DMXL2: variants seen among roughly 807,000 people sequenced by gnomAD.
DMXL2 encodes the protein dmX-like protein 2.
Under a neutral mutation model 331.1 loss-of-function variants are expected in DMXL2, and 103 were observed. The observed-to-expected ratio is 0.31, with a 90% CI of 0.27 to 0.37. The LOEUF (loss-of-function observed/expected upper bound fraction) is 0.37. Among genes scored for constraint, DMXL2 ranks in the 10% least tolerant of loss-of-function variants. The probability of loss-of-function intolerance (pLI) is 1.00; values close to 1 mark genes in which losing one functional copy is unlikely to be tolerated. For synonymous variants in DMXL2, 1,281 were observed against 1,252.1 expected (o/e 1.02, Z -0.49); for missense variants, 3,171 against 3,642.9 (o/e 0.87, Z 3.33).
chr15:51,608,431 A>C (rs1372225704), intron 1 of DMXL2, among the ~76,000 whole-genome samples: 1 of 152,220 alleles, frequency 6.6e-6, no homozygotes, highest in East Asian at 1.9e-4. Context: ...AAAAAATGAG[A>C]TCATGTCCTT....
At chr15:51,600,136 G>A (rs1045066037) in intron 1 of DMXL2, among the ~76,000 whole-genome samples, 6 of 152,282 alleles carry the variant, frequency 3.9e-5, no homozygotes, top group East Asian at 1.9e-4. Flanking sequence ...CTTGGCATTC[G>A]TTTCAAGTAT....
At position 51,471,296 on chromosome 15, in the gene DMXL2, G is replaced by C; in HGVS notation, c.7319C>G (p.Pro2440Arg). Residue 2440 changes from proline (P) to arginine (R), a missense_variant, in exon 29 of 44, where the codon CCT (proline) becomes CGT (arginine). By Grantham distance (103) the Pro-to-Arg change is moderately radical (BLOSUM62 -2). Transcript: ENST00000560891. ...PVKDATPPPV[P>R]AERPSYKEKF... ...TTCTTTGTAAGATGGTCTTTCTGCA[G>C]GCACCGGTGGTGGGGTAGCATCTTT... The C allele has an allele frequency of 6.2e-7, 1 of 1,614,068 alleles. No homozygotes were observed. Among genetic ancestry groups the C allele is most frequent in the Non-Finnish European group, 8.5e-7 (1 of 1,179,972 alleles).
intron 13 of DMXL2, among the ~76,000 whole-genome samples, chr15:51,519,826 A>G (rs1208471687): frequency 6.6e-6 from 1 of 151,902 alleles, no homozygotes; most frequent in Non-Finnish European, 1.5e-5. Context: ...TATTTTTAGT[A>G]GAGACAGGGT....
At chr15:51,593,410 T>A (rs2052547297) in intron 1 of DMXL2, among the ~76,000 whole-genome samples, 1 of 152,198 alleles carries the variant, frequency 6.6e-6, no homozygotes, top group Non-Finnish European at 1.5e-5. Context: ...CCCAGATTCA[T>A]AAAGCAAGTC....
In DMXL2 at chr15:51,535,775, C is replaced by T; in HGVS notation, c.2324G>A (p.Cys775Tyr). ...AACAAAGCAAGCACTTGCAGAATTG[C>T]AGTATGTGCCTGAGAAAGGAAAACA... ...LIPSYCLGTY[C>Y]NSASACFVAS... The change falls in exon 13 of 44, where the codon TGC (cysteine) becomes TAC (tyrosine). Residue 775 changes from cysteine to tyrosine, a missense_variant. Physicochemically the swap from Cys to Tyr is radical, Grantham distance 194. Coordinates refer to ENST00000560891, the MANE Select transcript of DMXL2 (RefSeq NM_001378457.1). The T allele has an allele frequency of 6.2e-7, 1 of 1,605,610 alleles. No individual in the cohort carries two copies. Among genetic ancestry groups the T allele is most frequent in the Non-Finnish European group, 8.5e-7 (1 of 1,176,732 alleles).
Position 51,536,573 on chromosome 15 carries a change from G to T in DMXL2, c.1907C>A (p.Thr636Asn). ...AAATTTGTGAGATACAGTTAGAACA[G>T]TGGTAAAGGCAGACTTATCAGCAAA... ...VTFADKSAFTTVLTVSHKFRY... is the reference protein window; with the variant it reads ...VTFADKSAFTNVLTVSHKFRY... The change falls in exon 12 of 44, where the codon ACT becomes AAT. Residue 636 changes from threonine (T) to asparagine (N), a missense_variant. Around this residue, in one of 7 missense-constraint regions of DMXL2, gnomAD observed 1,674 missense variants for 1,780.2 expected, o/e 0.94. Coordinates refer to ENST00000560891, the MANE Select transcript of DMXL2 (RefSeq NM_001378457.1). 1 of 1,614,044 alleles carries T rather than the reference G, an allele frequency of 6.2e-7. No individual in the cohort carries two copies. Among genetic ancestry groups the T allele is most frequent in the South Asian group, 1.1e-5 (1 of 91,078 alleles).
chr15:51,527,314 G>A (rs541026126), intron 13 of DMXL2, among the ~76,000 whole-genome samples: 1 of 152,172 alleles, frequency 6.6e-6, no homozygotes, highest in South Asian at 2.1e-4. Flanking sequence ...AAACATGAAG[G>A]ATAACTAAAA....
intron 27 of DMXL2, among the ~76,000 whole-genome samples, 171 bp downstream of exon 27, chr15:51,476,418 T>C (rs779372021): frequency 1.3e-5 from 2 of 152,062 alleles, no homozygotes; most frequent in Non-Finnish European, 2.9e-5. Flanking sequence ...CTTCAGACAA[T>C]ATTGCAGTAC....
chr15:51,474,197 G>A lies in DMXL2; in HGVS notation c.7213+147C>T. ...CAAACTATATGTTTATTATATCATG[G>A]GTTTAATTATTTGCTGTCATAACAA... On this transcript the variant is annotated intron_variant, in intron 28 of 43. Transcript: ENST00000560891. 4 of 663,362 alleles carry A rather than the reference G, an allele frequency of 6.0e-6. No homozygotes were observed. The East Asian group carries it at 1.2e-4, about 19-fold the overall frequency. The allele number at this position is 663,362 out of a possible 1,614,324, so 41.1% of individuals were successfully genotyped here.
intron 6 of DMXL2, 51 bp downstream of exon 6, chr15:51,563,330 T>A (rs751317316): frequency 1.4e-6 from 2 of 1,386,402 alleles, no homozygotes; most frequent in African/African-American, 1.5e-5. Flanking sequence ...ATAAGGAACA[T>A]TTTAAATTCT....
chr15:51,615,087 G>A (rs1390999742), intron 1 of DMXL2, among the ~76,000 whole-genome samples: 1 of 152,178 alleles, frequency 6.6e-6, no homozygotes, highest in Non-Finnish European at 1.5e-5. Flanking sequence ...AAGAGAAAAG[G>A]TAGATTACAA....
intron 7 of DMXL2, among the ~76,000 whole-genome samples, chr15:51,546,959 T>C (rs935075800): frequency 6.6e-6 from 1 of 152,126 alleles, no homozygotes; most frequent in Admixed American, 6.6e-5. Flanking sequence ...TACTAAGCAC[T>C]TCCCACCCAC....
Position 51,576,167 on chromosome 15 carries a change from G to GAATCTTCTTAT in DMXL2, c.101_102insATAAGAAGATT (p.Cys35Ter). 1.4e-6 allele frequency: 1 copy of GAATCTTCTTAT among 706,338 alleles called. No individual in the cohort carries two copies. 43.8% of individuals were successfully genotyped at this position (706,338 alleles called of 1,614,324 possible). ...CATTTGCCAAAATAACAATATCACA[G>GAATCTTCTTAT]CCTGATCCATATGCCTAAAAAAAAA... On this transcript the variant is annotated stop_gained and frameshift_variant, in exon 2 of 44. Transcript: ENST00000560891. LOFTEE classifies it high-confidence loss of function.
In DMXL2 at chr15:51,535,738, G is replaced by A. The variant is rs2048251920; in HGVS notation, c.2361C>T (p.Gly787=). Residue 787 remains glycine, a synonymous_variant, in exon 13 of 44, where the codon GGC becomes GGT. Transcript: ENST00000560891. ...CAGCTTGATAGAGTCTCAGATTTTT[G>A]CCATCAGAAGCAACAAAGCAAGCAC... ...SASACFVASD[G]KNLRLYQAVV... 1 of 1,609,208 alleles carries A rather than the reference G, an allele frequency of 6.2e-7. No homozygotes were observed. Among genetic ancestry groups the A allele is most frequent in the African/African-American group, 1.3e-5 (1 of 74,584 alleles).
intron 1 of DMXL2, among the ~76,000 whole-genome samples, chr15:51,621,484 G>A (rs1283419211): frequency 1.3e-5 from 2 of 152,194 alleles, no homozygotes. Flanking sequence ...AGGTCTGGCT[G>A]CCTACAGTTC....
At chr15:51,451,349 C>G (rs893891361) in intron 42 of DMXL2, among the ~76,000 whole-genome samples, 1 of 152,220 alleles carries the variant, frequency 6.6e-6, no homozygotes, top group East Asian at 1.9e-4. Flanking sequence ...TCAATGAATA[C>G]TTTGCAACTA....
At chr15:51,458,656 TA>T in intron 35 of DMXL2, 29 bp from the exon 36 acceptor site, 1 of 1,613,966 alleles carries the variant, frequency 6.2e-7, no homozygotes, top group Non-Finnish European at 8.5e-7. Context: ...ATCGATGATT[TA>T]AGCAATTTCA....
intron 33 of DMXL2, among the ~76,000 whole-genome samples, chr15:51,461,993 A>T (rs1176426313): frequency 1.3e-5 from 2 of 152,206 alleles, no homozygotes; most frequent in Admixed American, 6.5e-5. Flanking sequence ...CACATCAATA[A>T]TTTCAATGCC....
chr15:51,483,733 A>G (rs4775946), intron 23 of DMXL2, among the ~76,000 whole-genome samples: 75,662 of 151,860 alleles, frequency 0.5, 19,069 homozygotes, highest in Non-Finnish European at 0.52. Flanking sequence ...TAGTCCTTCG[A>G]GCCGCCCCTG....
Sources: allele counts gnomAD v4.1 joint callset (sites outside exome capture counted in the v4.1 genomes callset), GRCh38; gene constraint gnomAD v4.1.1; regional missense constraint gnomAD v4.1.1; transcripts MANE v1.5; gene names NCBI Gene and HGNC (gene_info 2026-07-23, HGNC 2026-07-21).